The following MAML3 variants were observed in gnomAD, a reference collection of about 807,000 sequenced individuals.
MAML3 encodes the protein mastermind like transcriptional coactivator 3.
Under a neutral mutation model 101.9 loss-of-function variants are expected in MAML3, and 27 were observed. The observed-to-expected ratio is 0.27, with a 90% CI of 0.20 to 0.37. The LOEUF is 0.37. Ranked by LOEUF, MAML3 falls within the 10% of genes least tolerant of loss-of-function variation. The pLI is 1.00. For synonymous variants in MAML3, 501 were observed against 555.9 expected (o/e 0.90, Z 1.39); for missense variants, 1,316 against 1,444.9 (o/e 0.91, Z 1.45).
intron 1 of MAML3, among the ~76,000 whole-genome samples, chr4:139,998,958 C>CT (rs1734870462): frequency 2.6e-5 from 4 of 152,208 alleles, no homozygotes; most frequent in Admixed American, 2.6e-4. Context: ...GCCAGGAAGA[C>CT]TTCCATTCTC....
At chr4:139,902,242 C>T (rs572501204) in intron 1 of MAML3, among the ~76,000 whole-genome samples, 2 of 107,488 alleles carry the variant, frequency 1.9e-5, no homozygotes, top group East Asian at 4.7e-4. Context: ...CACGCAGGCG[C>T]GCACGCACAC....
intron 1 of MAML3, among the ~76,000 whole-genome samples, chr4:139,960,118 G>C (rs961007095): frequency 6.6e-6 from 1 of 152,162 alleles, no homozygotes; most frequent in African/African-American, 2.4e-5. Context: ...CATTGGGGGA[G>C]GAAGGTATGG....
chr4:139,929,819 T>C (rs1036795691), intron 1 of MAML3, among the ~76,000 whole-genome samples: 5 of 152,194 alleles, frequency 3.3e-5, no homozygotes, highest in African/African-American at 4.8e-5. Context: ...AACCATGTCA[T>C]AGGGCAACAG....
chr4:139,869,963 G>C (rs938788448), intron 2 of MAML3, among the ~76,000 whole-genome samples: 1 of 152,290 alleles, frequency 6.6e-6, no homozygotes, highest in East Asian at 1.9e-4. Flanking sequence ...GATTCAAATA[G>C]GCTTTGCTTT....
intron 2 of MAML3, among the ~76,000 whole-genome samples, chr4:139,883,884 C>T (rs1236002487): frequency 8.8e-5 from 11 of 124,498 alleles, no homozygotes; most frequent in South Asian, 5.4e-4. Flanking sequence ...TAAATAATTG[C>T]TTGTCTTTTT....
At chr4:139,729,486 A>C (rs1023638927) in intron 3 of MAML3, among the ~76,000 whole-genome samples, 7 of 152,066 alleles carry the variant, frequency 4.6e-5, no homozygotes, top group African/African-American at 1.7e-4. Flanking sequence ...TAAAATTCTG[A>C]CCCTATCAGG....
At chr4:139,734,111 CAA>C (rs1340414243) in intron 2 of MAML3, among the ~76,000 whole-genome samples, 1 of 152,202 alleles carries the variant, frequency 6.6e-6, no homozygotes, top group East Asian at 1.9e-4. Flanking sequence ...AGGTGTATTC[CAA>C]AGTGTGAAAA....
rs150700753 is a variant in MAML3 at position 139,821,756 on chromosome 4, G to A, written c.2079+67601C>T. On this transcript the variant is annotated intron_variant, in intron 2 of 4. Coordinates refer to ENST00000509479, the MANE Select transcript of MAML3 (RefSeq NM_018717.5). ...GCTGAGTAACTGATAACAACAAAAT[G>A]TGCCAGGCCAATTTTTATCATTTAC... Among the ~76,000 whole-genome samples the A allele has an allele frequency of 9.1e-3, 1,384 of 152,288 alleles. 7 individuals are homozygous for A. Among genetic ancestry groups the A allele is most frequent in the African/African-American group, 0.017 (715 of 41,560 alleles).
At chr4:140,053,483 A>G (rs896754143) in intron 1 of MAML3, among the ~76,000 whole-genome samples, 1 of 152,216 alleles carries the variant, frequency 6.6e-6, no homozygotes, top group Non-Finnish European at 1.5e-5. Context: ...CCTCTGGGCC[A>G]TCGGGCTTTG....
In MAML3 at chr4:140,056,578, G is replaced by A. The variant is rs148657769; in HGVS notation, c.468+96282C>T. ...TCCCAGAAATTTGAGAGGCTGAGAC[G>A]GGCGGATCACCTGAGATCAGGATTT... On this transcript the variant is annotated intron_variant, in intron 1 of 4. Transcript: ENST00000509479. 1.5e-4 allele frequency among the ~76,000 whole-genome samples: 23 copies of A among 151,964 alleles called. No individual in the cohort carries two copies. In the East Asian group the frequency reaches 3.7e-3, roughly 24 times the overall value.
intron 1 of MAML3, among the ~76,000 whole-genome samples, chr4:139,938,273 G>A (rs1313394389): frequency 1.3e-5 from 2 of 152,202 alleles, no homozygotes; most frequent in African/African-American, 4.8e-5. Context: ...TGGGCCTCAA[G>A]CGCACAGAGT....
intron 1 of MAML3, among the ~76,000 whole-genome samples, chr4:140,142,705 T>C (rs992696814): frequency 1.1e-4 from 16 of 152,234 alleles, no homozygotes; most frequent in Admixed American, 1.0e-3. Context: ...TCAAATATTT[T>C]AAGAAAGCAA....
chr4:139,795,686 G>A (rs1730500377), intron 2 of MAML3, among the ~76,000 whole-genome samples: 1 of 152,196 alleles, frequency 6.6e-6, no homozygotes, highest in Non-Finnish European at 1.5e-5. Flanking sequence ...CAGAGATGCA[G>A]TGTCTTGAAA....
chr4:139,837,263 G>A lies in MAML3; in HGVS notation c.2079+52094C>T, dbSNP rs557990043. ...TGTAATCCCAGCACTTTGGGAGGCCGAGACGGGCGGATCACGAGGTCAGGA... is the reference window on the plus strand; with the variant it reads ...TGTAATCCCAGCACTTTGGGAGGCCAAGACGGGCGGATCACGAGGTCAGGA... On this transcript the variant is annotated intron_variant, in intron 2 of 4. Coordinates refer to ENST00000509479, the MANE Select transcript of MAML3 (RefSeq NM_018717.5). Among the ~76,000 whole-genome samples the A allele has an allele frequency of 8.5e-5, 13 of 152,154 alleles. No individual in the cohort carries two copies. The South Asian group carries it at 2.3e-3, about 27-fold the overall frequency.
intron 2 of MAML3, among the ~76,000 whole-genome samples, chr4:139,756,466 G>A (rs1212818819): frequency 2.6e-5 from 4 of 152,140 alleles, no homozygotes; most frequent in African/African-American, 9.7e-5. Flanking sequence ...CATTCTCATA[G>A]AATATCCCAA....
rs543443163 is a variant in MAML3, at chr4:139,848,271, C to T, written c.2079+41086G>A. Among the ~76,000 whole-genome samples the T allele has an allele frequency of 2.1e-4, 32 of 152,288 alleles. 2 individuals are homozygous for T. In the South Asian group the frequency reaches 6.0e-3, roughly 29 times the overall value. ...TGTGTGTGCACAGAAATGACAGCAT[C>T]GACGGCTGCTTCTCACCAGGGCACC... On this transcript the variant is annotated intron_variant, in intron 2 of 4. Coordinates refer to ENST00000509479, the MANE Select transcript of MAML3 (RefSeq NM_018717.5).
intron 1 of MAML3, among the ~76,000 whole-genome samples, chr4:139,905,242 C>T (rs747302765): frequency 2.0e-5 from 3 of 152,114 alleles, no homozygotes; most frequent in Non-Finnish European, 4.4e-5. Context: ...CCTATAATCC[C>T]AGCACTTTGG....
intron 1 of MAML3, among the ~76,000 whole-genome samples, chr4:140,140,908 G>GC (rs1035267966): frequency 6.6e-6 from 1 of 152,178 alleles, no homozygotes; most frequent in African/African-American, 2.4e-5. Flanking sequence ...TCATAAAACA[G>GC]CAGGGCCTGG....
At chr4:139,978,896 T>C (rs933167121) in intron 1 of MAML3, among the ~76,000 whole-genome samples, 1 of 152,062 alleles carries the variant, frequency 6.6e-6, no homozygotes, top group Non-Finnish European at 1.5e-5. Flanking sequence ...CTGAAACAAG[T>C]ACACATCCTC....
Sources: gnomAD v4.1 joint callset for allele counts (sites outside exome capture counted in the v4.1 genomes callset) on GRCh38, gnomAD v4.1.1 for gene constraint, MANE v1.5 for transcripts, NCBI Gene and HGNC (gene_info 2026-07-23, HGNC 2026-07-21) for gene names.